CNTN4: variants seen among roughly 807,000 people sequenced by gnomAD.
The protein encoded by CNTN4 is contactin-4.
Under a neutral mutation model 122.5 loss-of-function variants are expected in CNTN4, and 77 were observed. That is an observed-to-expected ratio of 0.63 (90% confidence interval 0.52 to 0.76). The LOEUF (loss-of-function observed/expected upper bound fraction) is 0.76, where lower values mean the gene tolerates loss of function less well. Among genes scored for constraint, CNTN4 ranks in the 30% least tolerant of loss-of-function variants. The probability of loss-of-function intolerance (pLI) is 0.00; values close to 1 mark genes in which losing one functional copy is unlikely to be tolerated. For missense variants in CNTN4, 1,256 were observed against 1,259.1 expected (o/e 1.00, Z 0.04); for synonymous variants, 512 against 447.0 (o/e 1.15, Z -1.83).
chr3:2,476,082 T>G (rs570327470), intron 3 of CNTN4, among the ~76,000 whole-genome samples: 1 of 152,312 alleles, frequency 6.6e-6, no homozygotes, highest in South Asian at 2.1e-4. Flanking sequence ...TCACAAAAAA[T>G]TAATATCCCT....
chr3:2,279,978 GAGAT>G (rs1231716259), intron 2 of CNTN4, among the ~76,000 whole-genome samples: 2 of 147,106 alleles, frequency 1.4e-5, no homozygotes, highest in African/African-American at 4.9e-5. Flanking sequence ...TATAGAGAGA[GAGAT>G]AGATATAGAG....
chr3:2,571,351 A>C, intron 3 of CNTN4, 65 bp from the exon 4 acceptor site: 1 of 683,910 alleles, frequency 1.5e-6, no homozygotes, highest in South Asian at 1.7e-5. Flanking sequence ...AGTAAAGATA[A>C]ACTTGCAGAG....
chr3:2,475,271 G>C, intron 3 of CNTN4, among the ~76,000 whole-genome samples: 1 of 152,138 alleles, frequency 6.6e-6, no homozygotes, highest in East Asian at 1.9e-4. Flanking sequence ...AAGAAGAAAA[G>C]GATGCCATTT....
intron 7 of CNTN4, among the ~76,000 whole-genome samples, chr3:2,838,038 G>C (rs2093266914): frequency 6.6e-6 from 1 of 152,168 alleles, no homozygotes; most frequent in Non-Finnish European, 1.5e-5. Flanking sequence ...CAGAGGTTCA[G>C]GGCTAAGTGT....
chr3:2,971,451 A>G (rs967903198), intron 13 of CNTN4, among the ~76,000 whole-genome samples: 33 of 152,312 alleles, frequency 2.2e-4, no homozygotes, highest in African/African-American at 7.5e-4. Context: ...TCAGTGGTAT[A>G]CCATAAGCTG....
intron 3 of CNTN4, among the ~76,000 whole-genome samples, chr3:2,442,737 T>C (rs2048484491): frequency 1.3e-5 from 2 of 152,188 alleles, no homozygotes; most frequent in Non-Finnish European, 2.9e-5. Flanking sequence ...TAGTGATAGA[T>C]CCACTAGTAC....
intron 3 of CNTN4, among the ~76,000 whole-genome samples, chr3:2,380,810 C>A (rs1440140775): frequency 6.6e-6 from 1 of 151,910 alleles, no homozygotes; most frequent in Non-Finnish European, 1.5e-5. Flanking sequence ...GAGGAAAGAG[C>A]AAACTAGGTG....
intron 12 of CNTN4, among the ~76,000 whole-genome samples, chr3:2,921,536 G>A (rs1243944214): frequency 1.3e-5 from 2 of 152,152 alleles, no homozygotes; most frequent in Non-Finnish European, 2.9e-5. Flanking sequence ...TGTTTTTAGG[G>A]AATGATGAGG....
chr3:2,212,749 T>C (rs1405595782), intron 2 of CNTN4, among the ~76,000 whole-genome samples: 1 of 152,244 alleles, frequency 6.6e-6, no homozygotes, highest in Non-Finnish European at 1.5e-5. Flanking sequence ...TTGAATTGAC[T>C]GAGGACTTTA....
At chr3:2,769,649 A>G (rs770476795) in intron 6 of CNTN4, among the ~76,000 whole-genome samples, 100 of 152,192 alleles carry the variant, frequency 6.6e-4, no homozygotes, top group Non-Finnish European at 1.3e-3. Flanking sequence ...AGAAACACCT[A>G]TGTTGGTTTC....
intron 4 of CNTN4, among the ~76,000 whole-genome samples, chr3:2,699,832 A>C (rs1474634500): frequency 6.6e-6 from 1 of 152,192 alleles, no homozygotes. Context: ...TTCTTCTTCA[A>C]CAGTAATGTG....
At chr3:2,537,240 T>C (rs929505314) in intron 3 of CNTN4, among the ~76,000 whole-genome samples, 8 of 152,182 alleles carry the variant, frequency 5.3e-5, no homozygotes, top group Middle Eastern at 3.4e-3. Flanking sequence ...GTCCCGAAGA[T>C]ATATAATTGT....
rs2079188255 is a variant in CNTN4, at chr3:2,566,921, T to C, written c.-88-4495T>C. 1.3e-5 allele frequency among the ~76,000 whole-genome samples: 2 copies of C among 152,200 alleles called. 1 individual carries two copies. Among genetic ancestry groups the C allele is most frequent in the South Asian group, 4.1e-4 (2 of 4,834 alleles). On this transcript the variant is annotated intron_variant, in intron 3 of 24. Coordinates refer to ENST00000418658, the MANE Select transcript of CNTN4 (RefSeq NM_175607.3). Reference sequence around the variant, plus strand: ...GTAATTAGAGATGTAGTCAACTTGCTAACCAGAGGAGAAAAGCAAAAAAGG... The same window carrying C: ...GTAATTAGAGATGTAGTCAACTTGCCAACCAGAGGAGAAAAGCAAAAAAGG...
intron 3 of CNTN4, among the ~76,000 whole-genome samples, chr3:2,415,019 A>G (rs1274173891): frequency 6.6e-6 from 1 of 152,190 alleles, no homozygotes. Flanking sequence ...TATTTCCAAT[A>G]TATTAAGTAT....
intron 4 of CNTN4, among the ~76,000 whole-genome samples, chr3:2,706,382 C>T (rs1026206752): frequency 3.3e-5 from 5 of 151,984 alleles, no homozygotes; most frequent in African/African-American, 1.2e-4. Context: ...ATGAGGATGT[C>T]TTGTTAACTT....
intron 3 of CNTN4, among the ~76,000 whole-genome samples, chr3:2,533,145 T>A (rs1194065124): frequency 5.3e-5 from 8 of 151,856 alleles, no homozygotes; most frequent in East Asian, 3.9e-4. Flanking sequence ...TTTTTTTTTT[T>A]AATTATACTT....
intron 2 of CNTN4, among the ~76,000 whole-genome samples, chr3:2,299,157 A>T (rs534925262): frequency 6.6e-6 from 1 of 152,196 alleles, no homozygotes; most frequent in East Asian, 1.9e-4. Context: ...CAGCTAAGGA[A>T]CAAATAAATG....
chr3:2,299,727 C>T (rs960355690), intron 2 of CNTN4, among the ~76,000 whole-genome samples: 1 of 152,020 alleles, frequency 6.6e-6, no homozygotes, highest in Non-Finnish European at 1.5e-5. Flanking sequence ...TGTTTAAAAA[C>T]TTGATTTACA....
intron 2 of CNTN4, among the ~76,000 whole-genome samples, chr3:2,285,951 A>T (rs987139635): frequency 2.6e-5 from 4 of 152,148 alleles, no homozygotes; most frequent in African/African-American, 7.2e-5. Context: ...CTTGAAGATG[A>T]ATTCCTGCAG....
Sources: allele counts gnomAD v4.1 joint callset (sites outside exome capture counted in the v4.1 genomes callset), GRCh38; gene constraint gnomAD v4.1.1; transcripts MANE v1.5; gene names NCBI Gene and HGNC (gene_info 2026-07-23, HGNC 2026-07-21).